Variants in CCDC171 observed in about 807,000 individuals in gnomAD.
CCDC171 encodes coiled-coil domain containing 171.
A neutral mutation model predicts 168.2 loss-of-function variants in CCDC171; 177 were observed. The ratio of observed to expected loss-of-function variants is 1.05; its 90% CI spans 0.93 to 1.19. The LOEUF (loss-of-function observed/expected upper bound fraction) is 1.19. Among genes scored for constraint, CCDC171 ranks in the 50% most tolerant of loss-of-function variants. CCDC171 has a pLI of 0.00. For synonymous variants in CCDC171, 687 were observed against 540.8 expected, an observed-to-expected ratio of 1.27 and a Z score of -3.75; for missense variants, 1,991 against 1,539.0, an observed-to-expected ratio of 1.29 and a Z score of -4.91.
the CCDC171 span, among the ~76,000 whole-genome samples, chr9:16,085,313 G>A: frequency 6.6e-5 from 10 of 152,320 alleles, no homozygotes; most frequent in South Asian, 1.4e-3. Flanking sequence ...AGAGTCTTAC[G>A]ACACTGTTGG....
At chr9:16,073,431 G>T in the CCDC171 span, among the ~76,000 whole-genome samples, 1 of 152,152 alleles carries the variant, frequency 6.6e-6, no homozygotes, top group Non-Finnish European at 1.5e-5. Context: ...CTCTGTTCTT[G>T]TTACGTGGAT....
At chr9:15,920,451 A>T in intron 25 of CCDC171, 29 bp downstream of exon 25, 2 of 1,505,826 alleles carry the variant, frequency 1.3e-6, no homozygotes, top group South Asian at 2.5e-5. Flanking sequence ...ATATTTTTAT[A>T]ACTTTTTGAA....
intron 12 of CCDC171, among the ~76,000 whole-genome samples, chr9:15,722,381 A>T (rs554997058): frequency 7.9e-5 from 12 of 152,354 alleles, no homozygotes; most frequent in African/African-American, 2.6e-4. Flanking sequence ...TGTTTGATGT[A>T]GCCTGGGAGC....
chr9:15,979,239 GAC>G lies in CCDC171; in HGVS notation n.369-41346_369-41345del, dbSNP rs1831717726. Among the ~76,000 whole-genome samples the G allele has an allele frequency of 3.3e-5, 5 of 152,254 alleles. No homozygotes were observed. The South Asian group carries it at 8.3e-4, about 25-fold the overall frequency. ...GACAAAGTGGTGTCATCTGCAAATA[GAC>G]ACAGTTTTACTTCTTTTCTAATCTA... On this transcript the variant is annotated intron_variant and non_coding_transcript_variant, in intron 3 of 9. Transcript: ENST00000486641.
chr9:15,683,141 T>A (rs1292357136), intron 10 of CCDC171, among the ~76,000 whole-genome samples: 1 of 152,050 alleles, frequency 6.6e-6, no homozygotes, highest in Non-Finnish European at 1.5e-5. Flanking sequence ...AGAGACTTTA[T>A]ATTGAAAAGG....
intron 16 of CCDC171, among the ~76,000 whole-genome samples, chr9:15,736,661 T>TTTTCTTTCTTTC (rs58407296): frequency 0.013 from 1,910 of 147,994 alleles, 13 homozygotes; most frequent in Non-Finnish European, 0.019. Flanking sequence ...TCACATTTCT[T>TTTTCTTTCTTTC]TTTCTTTCTT....
intron 18 of CCDC171, among the ~76,000 whole-genome samples, chr9:15,760,598 G>A (rs1010157656): frequency 6.6e-6 from 1 of 152,142 alleles, no homozygotes; most frequent in African/African-American, 2.4e-5. Flanking sequence ...CCTGCCTAGT[G>A]TTTGTAAATG....
At position 15,744,748 on chromosome 9, in the gene CCDC171, G is replaced by C; in HGVS notation, c.2525G>C (p.Gly842Ala). 4.3e-6 allele frequency: 7 copies of C among 1,612,740 alleles called. No homozygotes were observed. The highest frequency in any genetic ancestry group is 5.9e-6 in the Non-Finnish European group (7 of 1,179,478). ...GGCATAGGCATGTTAGTGTGCACAGGAGAGCCCCAAGACAAGCATAAATTT... is the reference window on the plus strand; with the variant it reads ...GGCATAGGCATGTTAGTGTGCACAGCAGAGCCCCAAGACAAGCATAAATTT... The part of the protein sequence containing the change: ...KEGIGMLVCT[G>A]EPQDKHKFPK... Residue 842 changes from glycine (G) to alanine (A), a missense_variant, in exon 17 of 26, where the codon GGA becomes GCA. Gly to Ala is a moderately conservative substitution (Grantham distance 60). Transcript: ENST00000380701.
intron 23 of CCDC171, among the ~76,000 whole-genome samples, chr9:15,874,092 T>C (rs1323121742): frequency 6.6e-6 from 1 of 152,160 alleles, no homozygotes; most frequent in African/African-American, 2.4e-5. Context: ...GAAGTTTTCT[T>C]TTCAAAGACT....
intron 24 of CCDC171, among the ~76,000 whole-genome samples, chr9:15,907,762 G>T (rs926643601): frequency 2.0e-5 from 3 of 152,144 alleles, no homozygotes; most frequent in Non-Finnish European, 4.4e-5. Context: ...CTAGTCATCT[G>T]ACAAAGGGCT....
At chr9:15,638,339 G>C (rs1177177426) in intron 7 of CCDC171, among the ~76,000 whole-genome samples, 1 of 152,028 alleles carries the variant, frequency 6.6e-6, no homozygotes, top group Non-Finnish European at 1.5e-5. Flanking sequence ...GTGACATAAT[G>C]AACAAGAAGT....
intron 25 of CCDC171, among the ~76,000 whole-genome samples, chr9:15,965,417 G>A (rs1198559781): frequency 2.6e-5 from 4 of 152,168 alleles, no homozygotes; most frequent in Non-Finnish European, 4.4e-5. Flanking sequence ...ATGGTCAAGC[G>A]TATGAATAGG....
intron 16 of CCDC171, among the ~76,000 whole-genome samples, chr9:15,736,747 C>G (rs1320698774): frequency 6.6e-6 from 1 of 151,962 alleles, no homozygotes; most frequent in Non-Finnish European, 1.5e-5. Context: ...GCAGTCTCGG[C>G]TCACTGCAGC....
At chr9:15,944,876 C>G (rs1828152560) in intron 25 of CCDC171, among the ~76,000 whole-genome samples, 1 of 147,770 alleles carries the variant, frequency 6.8e-6, no homozygotes, top group Non-Finnish European at 1.5e-5. Flanking sequence ...TTCTTTCTTT[C>G]TTTCTTTCTT....
Position 15,564,052 on chromosome 9 carries a change from G to A in CCDC171, c.-37G>A. ...CATCAAGAAAGAAATATGTCATTAA[G>A]AAATAGCAGGGTATTTTGAAAGAGT... On this transcript the variant is annotated 5_prime_UTR_variant, in exon 2 of 26. Transcript: ENST00000380701. 5 of 1,528,086 alleles carry A rather than the reference G, an allele frequency of 3.3e-6. No homozygotes were observed. The highest frequency in any genetic ancestry group is 4.5e-6 in the Non-Finnish European group (5 of 1,109,180). 94.7% of individuals were successfully genotyped at this position (1,528,086 alleles called of 1,614,324 possible).
At chr9:15,643,875 A>G (rs761352772) in intron 7 of CCDC171, among the ~76,000 whole-genome samples, 1 of 152,170 alleles carries the variant, frequency 6.6e-6, no homozygotes, top group African/African-American at 2.4e-5. Flanking sequence ...TATGCTTTCA[A>G]GGTTAATCCA....
chr9:16,027,800 A>T (rs1268858374), intron 6 of CCDC171, among the ~76,000 whole-genome samples: 1 of 152,230 alleles, frequency 6.6e-6, no homozygotes, highest in Non-Finnish European at 1.5e-5. Flanking sequence ...ACCGGGGCTA[A>T]AAGCAAGACT....
chr9:15,827,865 G>T (rs751482987), intron 21 of CCDC171, among the ~76,000 whole-genome samples: 1 of 152,118 alleles, frequency 6.6e-6, no homozygotes, highest in Non-Finnish European at 1.5e-5. Flanking sequence ...AGCAACTCAT[G>T]TTAGAATTCT....
intron 21 of CCDC171, among the ~76,000 whole-genome samples, chr9:15,802,634 C>T (rs552369462): frequency 2.2e-4 from 33 of 152,258 alleles, no homozygotes; most frequent in African/African-American, 7.5e-4. Context: ...ATATGTTTGA[C>T]ATTTTCTTTA....
Sources: allele counts gnomAD v4.1 joint callset (sites outside exome capture counted in the v4.1 genomes callset), GRCh38; gene constraint gnomAD v4.1.1; transcripts MANE v1.5; gene names NCBI Gene and HGNC (gene_info 2026-07-23, HGNC 2026-07-21).